The following RNF220 variants were observed in gnomAD, a reference collection of about 807,000 sequenced individuals.
The protein encoded by RNF220 is ring finger protein 220, also known as E3 ubiquitin-protein ligase RNF220.
Under a neutral mutation model 67.1 loss-of-function variants are expected in RNF220, and 7 were observed. The observed-to-expected ratio is 0.10, with a 90% CI of 0.06 to 0.20. The LOEUF is 0.20. Ranked by LOEUF, RNF220 falls within the 10% of genes least tolerant of loss-of-function variation. The probability of loss-of-function intolerance (pLI) is 1.00; values close to 1 mark genes in which losing one functional copy is unlikely to be tolerated. For missense variants in RNF220, 565 were observed against 740.3 expected (o/e 0.76, Z 2.75); for synonymous variants, 270 against 283.2 (o/e 0.95, Z 0.47).
chr1:44,439,743 T>C (rs1651365907), intron 2 of RNF220, among the ~76,000 whole-genome samples: 1 of 152,174 alleles, frequency 6.6e-6, no homozygotes, highest in Non-Finnish European at 1.5e-5. Flanking sequence ...ATCTCAAAGA[T>C]AGTCCCCAGT....
At chr1:44,435,318 C>T (rs1157214534) in intron 2 of RNF220, among the ~76,000 whole-genome samples, 1 of 152,170 alleles carries the variant, frequency 6.6e-6, no homozygotes, top group African/African-American at 2.4e-5. Flanking sequence ...GAGCTTGGGG[C>T]TTCCATGTCT....
chr1:44,525,434 C>G (rs1227396012), intron 2 of RNF220, among the ~76,000 whole-genome samples: 2 of 152,206 alleles, frequency 1.3e-5, no homozygotes, highest in Non-Finnish European at 2.9e-5. Flanking sequence ...ATGAACCAAC[C>G]AACAAACACA....
At chr1:44,637,004 A>G (rs1316193868) in intron 8 of RNF220, among the ~76,000 whole-genome samples, 2 of 152,256 alleles carry the variant, frequency 1.3e-5, no homozygotes, top group East Asian at 3.8e-4. Context: ...TTCTGTGCAC[A>G]AGCACAGCTG....
chr1:44,473,757 T>A (rs918128791), intron 2 of RNF220, among the ~76,000 whole-genome samples: 3 of 152,190 alleles, frequency 2.0e-5, no homozygotes, highest in African/African-American at 7.2e-5. Flanking sequence ...AGCTATCTCA[T>A]CCAACTTCCA....
chr1:44,641,732 A>G (rs1644495366), intron 8 of RNF220, among the ~76,000 whole-genome samples: 1 of 152,164 alleles, frequency 6.6e-6, no homozygotes, highest in South Asian at 2.1e-4. Flanking sequence ...GGGCAGCACA[A>G]GAGTGAAATT....
At chr1:44,608,358 C>T (rs180719030) in intron 2 of RNF220, among the ~76,000 whole-genome samples, 27 of 152,294 alleles carry the variant, frequency 1.8e-4, no homozygotes, top group Admixed American at 7.2e-4. Flanking sequence ...GCTATAGCGA[C>T]CCCTAATGGG....
intron 8 of RNF220, chr1:44,636,471 T>G: frequency 1.4e-6 from 1 of 717,490 alleles, no homozygotes; most frequent in South Asian, 1.5e-5. Context: ...CATAAAATAT[T>G]AAAGGGACGG....
intron 4 of RNF220, 81 bp from the exon 5 acceptor site, chr1:44,626,216 A>C (rs2148458268): frequency 9.5e-7 from 1 of 1,056,478 alleles, no homozygotes; most frequent in East Asian, 2.4e-5. Context: ...GGCTCCCCAA[A>C]GCACCACAGG....
rs1643779378 is a variant in RNF220 at position 44,621,158 on chromosome 1, C to T, written c.759-1584C>T. Among the ~76,000 whole-genome samples, 1 of 152,156 alleles carries T rather than the reference C, an allele frequency of 6.6e-6. No individual in the cohort carries two copies. The highest frequency in any genetic ancestry group is 1.5e-5 in the Non-Finnish European group (1 of 68,034). On this transcript the variant is annotated intron_variant, in intron 3 of 14. Transcript: ENST00000361799. The surrounding 1 kb of genome is among the most constrained non-coding windows in gnomAD (Gnocchi z 4.8). Reference sequence around the variant, plus strand: ...CTCGAACTCCTGACCTCAGGTGATCCACCAGCCTCGGCCTCACAAAGTGCT... The same window carrying T: ...CTCGAACTCCTGACCTCAGGTGATCTACCAGCCTCGGCCTCACAAAGTGCT...
At chr1:44,493,658 G>A (rs1481410027) in intron 2 of RNF220, among the ~76,000 whole-genome samples, 1 of 152,022 alleles carries the variant, frequency 6.6e-6, no homozygotes, top group Non-Finnish European at 1.5e-5. Context: ...TTTCGGATAA[G>A]GGATATGCAA....
rs1362660799 is a variant in RNF220, at chr1:44,636,131, G to C, written c.1095G>C (p.Arg365=). The change falls in exon 8 of 15, where the codon CGG becomes CGC. Residue 365 remains arginine, a synonymous_variant. Transcript: ENST00000361799. Reference sequence around the variant, plus strand: ...AGTGGTGTGGACAGAAGCGGATACGGGCCACCACTCTCCTGGAAGGTGGCT... The same window carrying C: ...AGTGGTGTGGACAGAAGCGGATACGCGCCACCACTCTCCTGGAAGGTGGCT... ...EYEWCGQKRI[R]ATTLLEGGFR... is the part of the protein sequence containing the mutation. The C allele has an allele frequency of 6.2e-7, 1 of 1,611,038 alleles. No homozygotes were observed. The highest frequency in any genetic ancestry group is 2.2e-5 in the East Asian group (1 of 44,808).
intron 2 of RNF220, among the ~76,000 whole-genome samples, chr1:44,586,423 G>A (rs1665698122): frequency 6.6e-6 from 1 of 152,194 alleles, no homozygotes; most frequent in African/African-American, 2.4e-5. Context: ...GACAAGGTAA[G>A]GATAGAGGGT....
chr1:44,511,856 G>T (rs1659023333), intron 2 of RNF220, among the ~76,000 whole-genome samples: 1 of 151,866 alleles, frequency 6.6e-6, no homozygotes, highest in South Asian at 2.1e-4. Flanking sequence ...TAGATACAAT[G>T]AAAGGGGGAA....
chr1:44,414,333 C>T lies in RNF220; in HGVS notation c.625+1611C>T, dbSNP rs1184885695. Among the ~76,000 whole-genome samples the T allele has an allele frequency of 2.6e-5, 4 of 152,310 alleles. No individual in the cohort carries two copies. The South Asian group carries it at 6.2e-4, about 24-fold the overall frequency. On this transcript the variant is annotated intron_variant, in intron 2 of 14. Coordinates refer to ENST00000361799, the MANE Select transcript of RNF220 (RefSeq NM_018150.4). ...CCTTGTGTTAGGGTGTGACAGATTC[C>T]GCCCCTTTTTTTCTCCAAATACAAG...
At chr1:44,425,596 T>A (rs775836968) in intron 2 of RNF220, among the ~76,000 whole-genome samples, 2 of 152,112 alleles carry the variant, frequency 1.3e-5, no homozygotes, top group Non-Finnish European at 2.9e-5. Flanking sequence ...AACAGCACAG[T>A]CAGAAGCTCT....
chr1:44,510,774 T>G (rs1205259783), intron 2 of RNF220, among the ~76,000 whole-genome samples: 2 of 152,338 alleles, frequency 1.3e-5, no homozygotes, highest in East Asian at 3.9e-4. Context: ...CCTGCTATTT[T>G]GTTCACTACT....
intron 2 of RNF220, among the ~76,000 whole-genome samples, chr1:44,461,828 C>T (rs1557948225): frequency 6.6e-6 from 1 of 151,822 alleles, no homozygotes; most frequent in Non-Finnish European, 1.5e-5. Context: ...TTGTTAATGG[C>T]TGGTCAAAAT....
In RNF220 at chr1:44,645,417, A is replaced by G. The variant is rs1644612148; in HGVS notation, c.1374A>G (p.Pro458=). Reference sequence around the variant, plus strand: ...GCCCCTCTGTCCCAGCAGAGATGCCATCCACCAGCAATGGTGAAAGCAGCA... The same window carrying G: ...GCCCCTCTGTCCCAGCAGAGATGCCGTCCACCAGCAATGGTGAAAGCAGCA... ...EFSKWASDEM[P]STSNGESSKQ... The change falls in exon 12 of 15, where the codon CCA becomes CCG. Residue 458 remains proline, a synonymous_variant. Coordinates refer to ENST00000361799, the MANE Select transcript of RNF220 (RefSeq NM_018150.4). The surrounding 1 kb of genome is among the most constrained non-coding windows in gnomAD (Gnocchi z 5.0). 1 of 1,613,908 alleles carries G rather than the reference A, an allele frequency of 6.2e-7. No individual in the cohort carries two copies. The highest frequency in any genetic ancestry group is 1.3e-5 in the African/African-American group (1 of 74,860).
rs528610844 is a variant in RNF220 at position 44,606,227 on chromosome 1, C to T, written c.626-7938C>T. The stretch of plus-strand genomic sequence containing the variant: ...CCGGAGACTGGGGAATGCCAATATA[C>T]GATGACAGATCACATATTGATGAAA... On this transcript the variant is annotated intron_variant, in intron 2 of 14. Coordinates refer to ENST00000361799, the MANE Select transcript of RNF220 (RefSeq NM_018150.4). This position sits in a 1 kb window ranked among gnomAD's most constrained non-coding sequence, Gnocchi z 4.2. 1.3e-5 allele frequency among the ~76,000 whole-genome samples: 2 copies of T among 152,352 alleles called. No individual in the cohort carries two copies. Among genetic ancestry groups the T allele is most frequent in the South Asian group, 4.1e-4 (2 of 4,824 alleles).
Sources: gnomAD v4.1 joint callset for allele counts (sites outside exome capture counted in the v4.1 genomes callset) on GRCh38, gnomAD v4.1.1 for gene constraint, Gnocchi (gnomAD v3.1) non-coding constraint, MANE v1.5 for transcripts, NCBI Gene and HGNC (gene_info 2026-07-23, HGNC 2026-07-21) for gene names.